MS4A14: variants seen among roughly 807,000 people sequenced by gnomAD.
MS4A14 encodes the protein membrane-spanning 4-domains subfamily A member 14.
Under a neutral mutation model 16.7 loss-of-function variants are expected in MS4A14, and 18 were observed. That is an observed-to-expected ratio of 1.08 (90% CI 0.75 to 1.60). The LOEUF (loss-of-function observed/expected upper bound fraction) is 1.60. Among genes scored for constraint, MS4A14 ranks in the 40% most tolerant of loss-of-function variants. The probability of loss-of-function intolerance (pLI) is 0.00; values close to 1 mark genes in which losing one functional copy is unlikely to be tolerated. For missense variants in MS4A14, 812 were observed against 775.3 expected (o/e 1.05, Z -0.56); for synonymous variants, 305 against 289.4 (o/e 1.05, Z -0.55).
chr11:60,401,752 T>A (rs2135127477), intron 3 of MS4A14, among the ~76,000 whole-genome samples: 1 of 152,316 alleles, frequency 6.6e-6, no homozygotes, highest in African/African-American at 2.4e-5. Context: ...GAGATCTTAG[T>A]CTATAAAATG....
chr11:60,403,001 C>A lies in MS4A14; in HGVS notation c.408C>A (p.Asp136Glu). Reference protein sequence around the residue: ...TFTILSYRHQDKYCQMPSFEE... With the variant: ...TFTILSYRHQEKYCQMPSFEE... ...CCATTCTCAGCTACAGACATCAAGA[C>A]AAGTACTGCCAGATGCCATCCTTTG... Residue 136 changes from aspartate to glutamate, a missense_variant, in exon 4 of 5, where the codon GAC (aspartate) becomes GAA (glutamate). Asp to Glu is a conservative substitution (Grantham distance 45). Coordinates refer to ENST00000300187, the MANE Select transcript of MS4A14 (RefSeq NM_032597.5). 6.2e-7 allele frequency: 1 copy of A among 1,613,866 alleles called. No homozygotes were observed. Among genetic ancestry groups the A allele is most frequent in the African/African-American group, 1.3e-5 (1 of 75,034 alleles).
intron 2 of MS4A14, among the ~76,000 whole-genome samples, chr11:60,398,384 T>C (rs2085661468): frequency 6.6e-6 from 1 of 152,208 alleles, no homozygotes. Context: ...TTTAAAATTA[T>C]TATCACTCAT....
rs78707403 is a variant in MS4A14, at chr11:60,406,192, C to G, written c.468+3131C>G. ...ATCTGAAACAACTATGCTTTCCTTT[C>G]TTGTACTATCTGCTTTATACTCAGT... On this transcript the variant is annotated intron_variant, in intron 4 of 4. Coordinates refer to ENST00000300187, the MANE Select transcript of MS4A14 (RefSeq NM_032597.5). 6.3e-3 allele frequency among the ~76,000 whole-genome samples: 956 copies of G among 152,280 alleles called. 4 individuals are homozygous for G. Among genetic ancestry groups the G allele is most frequent in the African/African-American group, 0.022 (921 of 41,564 alleles).
At position 60,415,991 on chromosome 11, in the gene MS4A14, A is replaced by C. The variant is rs1454694281; in HGVS notation, c.1023A>C (p.Ser341=). The change falls in exon 5 of 5, where the codon TCA becomes TCC. Residue 341 remains serine (S), a synonymous_variant. Coordinates refer to ENST00000300187, the MANE Select transcript of MS4A14 (RefSeq NM_032597.5). Reference sequence around the variant, plus strand: ...AAACCATGCCATCTAAGTCTACATCATCCCATGTCAAACAGTCTTCTAATC... The same window carrying C: ...AAACCATGCCATCTAAGTCTACATCCTCCCATGTCAAACAGTCTTCTAATC... The part of the protein sequence containing the change: ...SEQTMPSKST[S]SHVKQSSNLT... The C allele has an allele frequency of 5.0e-6, 8 of 1,613,808 alleles. No individual in the cohort carries two copies. The highest frequency in any genetic ancestry group is 6.8e-6 in the Non-Finnish European group (8 of 1,179,944).
intron 4 of MS4A14, among the ~76,000 whole-genome samples, chr11:60,406,529 A>G (rs924983863): frequency 1.3e-5 from 2 of 152,246 alleles, no homozygotes; most frequent in Non-Finnish European, 2.9e-5. Context: ...GAAGTAAGGC[A>G]CAAAGAGGCT....
At chr11:60,397,709 A>C in intron 1 of MS4A14, 143 bp from the exon 2 acceptor site, 1 of 729,806 alleles carries the variant, frequency 1.4e-6, no homozygotes, top group Non-Finnish European at 2.2e-6. Context: ...TCTCTTAACA[A>C]TCTGAGAATG....
At chr11:60,413,184 C>T (rs2085892293) in intron 4 of MS4A14, among the ~76,000 whole-genome samples, 1 of 151,632 alleles carries the variant, frequency 6.6e-6, no homozygotes, top group Admixed American at 6.6e-5. Flanking sequence ...ATATACTGGT[C>T]TACTATGACC....
At chr11:60,413,099 T>C (rs188808759) in intron 4 of MS4A14, among the ~76,000 whole-genome samples, 26 of 152,082 alleles carry the variant, frequency 1.7e-4, no homozygotes, top group African/African-American at 6.3e-4. Context: ...TCATTTTTTC[T>C]TGATATTGTA....
chr11:60,405,811 G>A, intron 4 of MS4A14: 1 of 1,065,340 alleles, frequency 9.4e-7, no homozygotes, highest in Non-Finnish European at 1.4e-6. Flanking sequence ...GTGATAGAGT[G>A]TAAGGGGTTC....
In MS4A14 at chr11:60,416,964, C is replaced by A. The variant is rs1483258625; in HGVS notation, c.1996C>A (p.Pro666Thr). ...FHKGNLQAGQPRTVNLLAKNP... is the reference protein window; with the variant it reads ...FHKGNLQAGQTRTVNLLAKNP... The stretch of plus-strand genomic sequence containing the variant: ...CAAAGGCAATCTCCAGGCTGGACAA[C>A]CCAGGACTGTCAATCTTTTGGCCAA... Residue 666 changes from proline to threonine, a missense_variant, in exon 5 of 5, where the codon CCC becomes ACC. Transcript: ENST00000300187. The A allele has an allele frequency of 3.7e-6, 6 of 1,613,404 alleles. No homozygotes were observed. The highest frequency in any genetic ancestry group is 5.1e-6 in the Non-Finnish European group (6 of 1,179,602).
intron 4 of MS4A14, among the ~76,000 whole-genome samples, chr11:60,413,176 A>C (rs1463386266): frequency 1.3e-5 from 2 of 151,786 alleles, no homozygotes; most frequent in Non-Finnish European, 2.9e-5. Flanking sequence ...TTATTTTTAT[A>C]TACTGGTCTA....
At chr11:60,409,683 G>C (rs1211419442) in intron 4 of MS4A14, among the ~76,000 whole-genome samples, 1 of 151,362 alleles carries the variant, frequency 6.6e-6, no homozygotes. Context: ...GTAAATATGG[G>C]AGTACAGATG....
chr11:60,404,193 C>G (rs2085755022), intron 4 of MS4A14, among the ~76,000 whole-genome samples: 1 of 152,206 alleles, frequency 6.6e-6, no homozygotes, highest in South Asian at 2.1e-4. Context: ...ATATGAAATT[C>G]CGTATTTCCT....
intron 3 of MS4A14, among the ~76,000 whole-genome samples, chr11:60,400,921 C>A (rs2085704404): frequency 6.6e-6 from 1 of 152,122 alleles, no homozygotes; most frequent in Non-Finnish European, 1.5e-5. Context: ...GTTGAGAAAC[C>A]TTGCTCTAAC....
chr11:60,397,962 A>AT lies in MS4A14; in HGVS notation c.251dup (p.Trp85LeufsTer17). The stretch of plus-strand genomic sequence containing the variant: ...CCCTTGTTGTCCTCACAGGATATCC[A>AT]TTCTGGGGAGCACTTATTGTGAGTA... On this transcript the variant is annotated frameshift_variant, in exon 2 of 5. Transcript: ENST00000300187. LOFTEE classifies it high-confidence loss of function. 6.2e-7 allele frequency: 1 copy of AT among 1,613,496 alleles called. No individual in the cohort carries two copies. Among genetic ancestry groups the AT allele is most frequent in the Non-Finnish European group, 8.5e-7 (1 of 1,179,556 alleles).
rs2085924416 is a variant in MS4A14 at position 60,415,484 on chromosome 11, T to TGCCC, written c.517_520dup (p.Pro174ArgfsTer6). 1 of 1,613,178 alleles carries TGCCC rather than the reference T, an allele frequency of 6.2e-7. No homozygotes were observed. The highest frequency in any genetic ancestry group is 8.5e-7 in the Non-Finnish European group (1 of 1,179,576). On this transcript the variant is annotated frameshift_variant, in exon 5 of 5. Transcript: ENST00000300187. LOFTEE classifies it low-confidence loss of function (END_TRUNC). ...ATGTTACTCAAAATAGTGAACAACC[T>TGCCC]GCCCCAGAAGAAAATGATCAATTAC...
intron 4 of MS4A14, among the ~76,000 whole-genome samples, chr11:60,412,306 TG>T (rs1465080768): frequency 6.6e-6 from 1 of 150,666 alleles, no homozygotes; most frequent in African/African-American, 2.4e-5. Context: ...TGAGAATAAT[TG>T]TTTTTTTTTT....
chr11:60,403,315 GA>G (rs1429992371), intron 4 of MS4A14: 17 of 467,070 alleles, frequency 3.6e-5, no homozygotes, highest in Non-Finnish European at 6.6e-5. Flanking sequence ...TCCTCAAGTG[GA>G]AAATGAACAT....
In MS4A14 at chr11:60,416,154, C is replaced by T. The variant is rs1221753729; in HGVS notation, c.1186C>T (p.Pro396Ser). 6.2e-7 allele frequency: 1 copy of T among 1,612,408 alleles called. No individual in the cohort carries two copies. Among genetic ancestry groups the T allele is most frequent in the Non-Finnish European group, 8.5e-7 (1 of 1,179,400 alleles). ...LSQDTPSHAM[P>S]PQDIPSQDML... Reference sequence around the variant, plus strand: ...TCAAGACACACCATCCCACGCCATGCCACCTCAAGACATACCTTCCCAAGA... The same window carrying T: ...TCAAGACACACCATCCCACGCCATGTCACCTCAAGACATACCTTCCCAAGA... The change falls in exon 5 of 5, where the codon CCA (proline) becomes TCA (serine). Residue 396 changes from proline to serine, a missense_variant. Physicochemically the swap from Pro to Ser is moderately conservative, Grantham distance 74 (BLOSUM62 -1). Coordinates refer to ENST00000300187, the MANE Select transcript of MS4A14 (RefSeq NM_032597.5).
Sources: allele counts gnomAD v4.1 joint callset (sites outside exome capture counted in the v4.1 genomes callset), GRCh38; gene constraint gnomAD v4.1.1; transcripts MANE v1.5; gene names NCBI Gene and HGNC (gene_info 2026-07-23, HGNC 2026-07-21).